The following MOXD1 variants were observed in gnomAD, a reference collection of about 807,000 sequenced individuals.
MOXD1 encodes DBH-like monooxygenase protein 1.
In MOXD1, 62 loss-of-function variants were observed where a neutral mutation model predicts 66.6. The ratio of observed to expected loss-of-function variants is 0.93; its 90% confidence interval spans 0.76 to 1.15. The LOEUF is 1.15. MOXD1 is among the 50% of genes most tolerant of loss of function. The pLI is 0.00. For missense variants in MOXD1, 847 were observed against 754.6 expected, an observed-to-expected ratio of 1.12 and a Z score of -1.44; for synonymous variants, 303 against 281.9, an observed-to-expected ratio of 1.07 and a Z score of -0.75.
intron 4 of MOXD1, among the ~76,000 whole-genome samples, chr6:132,351,757 C>T (rs113848846): frequency 1.3e-5 from 2 of 152,004 alleles, no homozygotes; most frequent in Non-Finnish European, 2.9e-5. Flanking sequence ...ATCCGTCTGG[C>T]CCCGGACTTT....
At chr6:132,377,644 C>A (rs1329490132) in intron 1 of MOXD1, among the ~76,000 whole-genome samples, 1 of 152,120 alleles carries the variant, frequency 6.6e-6, no homozygotes, top group Non-Finnish European at 1.5e-5. Context: ...CCCTATGTAA[C>A]CAAGTGAGTG....
chr6:132,367,756 T>A (rs1467631791), intron 4 of MOXD1, among the ~76,000 whole-genome samples: 1 of 152,090 alleles, frequency 6.6e-6, no homozygotes, highest in African/African-American at 2.4e-5. Flanking sequence ...AGCAATTCCA[T>A]TAGGAGGCAC....
Position 132,320,668 on chromosome 6 carries a change from C to T in MOXD1, c.1326G>A (p.Glu442=), listed in dbSNP as rs757783336. Residue 442 remains glutamate, a synonymous_variant, in exon 9 of 12, where the codon GAG becomes GAA. Coordinates refer to ENST00000367963, the MANE Select transcript of MOXD1 (RefSeq NM_015529.4). ...CTCTATCTTTCGTGTTGTAGCGACA[C>T]TCAGTAATTAGGTTATCTCCCTGAA... ...TILPGDNLIT[E]CRYNTKDRAE... is the part of the protein sequence containing the mutation. The T allele has an allele frequency of 6.2e-7, 1 of 1,611,052 alleles. No homozygotes were observed. The highest frequency in any genetic ancestry group is 8.5e-7 in the Non-Finnish European group (1 of 1,178,566).
chr6:132,400,515 G>A (rs999402686), intron 1 of MOXD1, among the ~76,000 whole-genome samples: 2 of 151,892 alleles, frequency 1.3e-5, no homozygotes, highest in African/African-American at 4.8e-5. Context: ...AACTTTATTG[G>A]TTATTAAAGT....
chr6:132,349,440 T>TATATATATACAC (rs1562290021), intron 4 of MOXD1, among the ~76,000 whole-genome samples: 2 of 66,096 alleles, frequency 3.0e-5, no homozygotes, highest in Middle Eastern at 6.8e-3. Context: ...TATATACATA[T>TATATATATACAC]ATATATATAT....
rs1582617951 is a variant in MOXD1 at position 132,400,024 on chromosome 6, G to GA, written c.264+1138dup. On this transcript the variant is annotated intron_variant, in intron 1 of 11. Transcript: ENST00000367963. ...TTGGGGGAAGAAACGATTAATTTAT[G>GA]AAAAAATAGATAATAGAGTGGTTTT... 5.9e-5 allele frequency among the ~76,000 whole-genome samples: 9 copies of GA among 152,206 alleles called. No homozygotes were observed. The South Asian group carries it at 1.9e-3, about 32-fold the overall frequency.
intron 4 of MOXD1, among the ~76,000 whole-genome samples, chr6:132,336,534 T>A (rs987896605): frequency 2.0e-5 from 3 of 152,128 alleles, no homozygotes; most frequent in African/African-American, 4.8e-5. Context: ...TGACAATGTA[T>A]CCCAGGTATG....
At chr6:132,302,427 G>A (rs1774561359) in intron 10 of MOXD1, among the ~76,000 whole-genome samples, 1 of 151,960 alleles carries the variant, frequency 6.6e-6, no homozygotes, top group South Asian at 2.1e-4. Context: ...AATACTCCAA[G>A]ATCTTGAAAT....
chr6:132,301,743 A>G (rs1383136815), intron 10 of MOXD1, among the ~76,000 whole-genome samples: 3 of 152,260 alleles, frequency 2.0e-5, no homozygotes, highest in East Asian at 3.9e-4. Flanking sequence ...ACAGACTTCC[A>G]CTTTTGGCCA....
At chr6:132,357,494 A>T (rs1374169661) in intron 4 of MOXD1, among the ~76,000 whole-genome samples, 3 of 152,130 alleles carry the variant, frequency 2.0e-5, no homozygotes, top group African/African-American at 7.2e-5. Flanking sequence ...AAGGAAGTAT[A>T]GAAATAAAAA....
intron 4 of MOXD1, among the ~76,000 whole-genome samples, chr6:132,341,447 A>G (rs2114608714): frequency 6.6e-6 from 1 of 152,328 alleles, no homozygotes; most frequent in East Asian, 1.9e-4. Flanking sequence ...CATGTTTAGT[A>G]ACTTGCCTTT....
At chr6:132,359,488 C>CTTTTTTT (rs568516620) in intron 4 of MOXD1, among the ~76,000 whole-genome samples, 5 of 129,536 alleles carry the variant, frequency 3.9e-5, no homozygotes, top group African/African-American at 8.9e-5. Flanking sequence ...TTTTCTTTTT[C>CTTTTTTT]TTTTTTTTTT....
chr6:132,322,952 A>G, intron 7 of MOXD1, 82 bp from the exon 8 acceptor site: 7 of 1,206,460 alleles, frequency 5.8e-6, no homozygotes, highest in Non-Finnish European at 8.0e-6. Flanking sequence ...ACTTGGAGGG[A>G]CAACTGAGAT....
chr6:132,376,426 T>C (rs1776380061), intron 1 of MOXD1, among the ~76,000 whole-genome samples: 1 of 152,120 alleles, frequency 6.6e-6, no homozygotes, highest in African/African-American at 2.4e-5. Flanking sequence ...TTCTTTAGTA[T>C]GTTAAAACCC....
intron 1 of MOXD1, among the ~76,000 whole-genome samples, chr6:132,395,191 T>C (rs138658239): frequency 2.3e-4 from 35 of 152,180 alleles, no homozygotes; most frequent in South Asian, 2.3e-3. Flanking sequence ...AAGGATACCA[T>C]ACCCAGAAAA....
intron 4 of MOXD1, among the ~76,000 whole-genome samples, chr6:132,358,449 T>A (rs1416044209): frequency 6.6e-6 from 1 of 152,232 alleles, no homozygotes; most frequent in East Asian, 1.9e-4. Flanking sequence ...TGTTTTCTCA[T>A]CTAGAAAATG....
At chr6:132,401,118 G>C (rs1015674181) in intron 1 of MOXD1, 45 bp downstream of exon 1, 14 of 1,447,892 alleles carry the variant, frequency 9.7e-6, no homozygotes, top group Non-Finnish European at 1.3e-5. Context: ...GGGTCCGGAC[G>C]GGACCGGGCT....
Position 132,328,030 on chromosome 6 carries a change from T to G in MOXD1, c.929A>C (p.Asn310Thr). The G allele has an allele frequency of 6.2e-7, 1 of 1,612,420 alleles. No homozygotes were observed. The highest frequency in any genetic ancestry group is 1.1e-5 in the South Asian group (1 of 90,958). ...AAACTCACCTTCCTCATAAGTGGGA[T>G]TATCATAATGGACTTCTAGGAGCAC... ...HYVLLEVHYDNPTYEEGLIDN... is the reference protein window; with the variant it reads ...HYVLLEVHYDTPTYEEGLIDN... Residue 310 changes from asparagine to threonine, a missense_variant, in exon 6 of 12, where the codon AAT (asparagine) becomes ACT (threonine). Asn to Thr is a moderately conservative substitution (Grantham distance 65). Transcript: ENST00000367963.
At chr6:132,349,088 G>A (rs938491888) in intron 4 of MOXD1, among the ~76,000 whole-genome samples, 4 of 151,800 alleles carry the variant, frequency 2.6e-5, no homozygotes, top group East Asian at 1.9e-4. Context: ...CACCTGAGCA[G>A]TATACACTGC....
Sources: allele counts gnomAD v4.1 joint callset (sites outside exome capture counted in the v4.1 genomes callset), GRCh38; gene constraint gnomAD v4.1.1; transcripts MANE v1.5; gene names NCBI Gene and HGNC (gene_info 2026-07-23, HGNC 2026-07-21).